Variants in MTRF1L observed in about 807,000 individuals in gnomAD.
The protein encoded by MTRF1L is peptide chain release factor 1-like, mitochondrial.
In MTRF1L, 29 loss-of-function variants were observed where a neutral mutation model predicts 40.0. The ratio of observed to expected loss-of-function variants is 0.73; its 90% confidence interval spans 0.54 to 0.99. The LOEUF (loss-of-function observed/expected upper bound fraction) is 0.99, where lower values mean the gene tolerates loss of function less well. MTRF1L is among the 50% of genes least tolerant of loss of function. The probability of loss-of-function intolerance (pLI) is 0.00; values close to 1 mark genes in which losing one functional copy is unlikely to be tolerated. For missense variants in MTRF1L, 412 were observed against 464.5 expected, an observed-to-expected ratio of 0.89 and a Z score of 1.04; for synonymous variants, 150 against 175.8, an observed-to-expected ratio of 0.85 and a Z score of 1.16.
At chr6:153,001,606 G>A (rs995361060) in intron 1 of MTRF1L, among the ~76,000 whole-genome samples, 6 of 152,146 alleles carry the variant, frequency 3.9e-5, no homozygotes, top group African/African-American at 1.2e-4. Flanking sequence ...AGTACCACTC[G>A]TGCTGAAGCC....
intron 5 of MTRF1L, 58 bp downstream of exon 5, chr6:152,992,799 T>C: frequency 7.9e-7 from 1 of 1,269,852 alleles, no homozygotes. Flanking sequence ...GGAAAATTAG[T>C]CATATTATTC....
At chr6:152,997,906 TTAA>T (rs1778767822) in intron 2 of MTRF1L, among the ~76,000 whole-genome samples, 1 of 152,096 alleles carries the variant, frequency 6.6e-6, no homozygotes, top group Non-Finnish European at 1.5e-5. Context: ...TGTTCTTTAG[TTAA>T]TAATATAAAA....
intron 1 of MTRF1L, among the ~76,000 whole-genome samples, chr6:153,000,217 T>A (rs988624110): frequency 6.6e-6 from 1 of 152,224 alleles, no homozygotes; most frequent in Non-Finnish European, 1.5e-5. Context: ...TCTGCAAAGC[T>A]AAGGAGATTG....
chr6:152,998,520 A>T (rs372564270), intron 2 of MTRF1L, 30 bp downstream of exon 2: 2 of 1,483,858 alleles, frequency 1.3e-6, no homozygotes, highest in Non-Finnish European at 1.8e-6. Flanking sequence ...GAATAGCACA[A>T]ATGCTTTATT....
Position 152,990,411 on chromosome 6 carries a change from GCTATTC to G in MTRF1L, c.943-322_943-317del. The G allele has an allele frequency of 1.5e-5, 4 of 272,822 alleles. No individual in the cohort carries two copies. In the South Asian group the frequency reaches 2.5e-4, roughly 17 times the overall value. 16.9% of individuals were successfully genotyped at this position (272,822 alleles called of 1,614,324 possible). A position where few individuals can be genotyped will look rare whatever the true frequency, so the allele number is the denominator to read the frequency against. On this transcript the variant is annotated intron_variant, in intron 6 of 6. Transcript: ENST00000367233. ...TGACAATAGAGCCTGGCACATAGAT[GCTATTC>G]CTATAGTCGCTGAATACATATAATC...
chr6:152,997,609 T>C (rs1044197166), intron 2 of MTRF1L, among the ~76,000 whole-genome samples: 14 of 152,112 alleles, frequency 9.2e-5, no homozygotes, highest in African/African-American at 3.4e-4. Context: ...GTCATGGCAA[T>C]AGTCTTTTTG....
intron 6 of MTRF1L, 117 bp downstream of exon 6, chr6:152,991,068 T>G (rs1778493441): frequency 1.6e-6 from 1 of 637,394 alleles, no homozygotes; most frequent in Non-Finnish European, 2.6e-6. Context: ...TTAGACTACT[T>G]GAATTGTTTT....
chr6:153,002,242 A>C (rs1340544012), intron 1 of MTRF1L, among the ~76,000 whole-genome samples, 185 bp downstream of exon 1: 1 of 152,220 alleles, frequency 6.6e-6, no homozygotes, highest in East Asian at 1.9e-4. Context: ...GTGGCAAAGG[A>C]GCACAAGAGA....
At chr6:152,994,805 CAT>C (rs766425288) in intron 3 of MTRF1L, 129 bp from the exon 4 acceptor site, 206 of 1,123,762 alleles carry the variant, frequency 1.8e-4, no homozygotes, top group African/African-American at 9.1e-4. Flanking sequence ...GACTGTAAAA[CAT>C]ATTAAAATAT....
Position 152,989,644 on chromosome 6 carries a change from A to T in MTRF1L, c.*251T>A. The T allele has an allele frequency of 2.3e-6, 1 of 429,112 alleles. No homozygotes were observed. The highest frequency in any genetic ancestry group is 4.1e-6 in the Non-Finnish European group (1 of 243,194). The allele number at this position is 429,112 out of a possible 1,614,324, so 26.6% of individuals were successfully genotyped here. On this transcript the variant is annotated 3_prime_UTR_variant, in exon 7 of 7. Transcript: ENST00000367233. ...GAGACTGCTGTGTTGCTAACGTTATATGCATTTTTAACTTATGATGGGTTT... is the reference window on the plus strand; with the variant it reads ...GAGACTGCTGTGTTGCTAACGTTATTTGCATTTTTAACTTATGATGGGTTT...
intron 1 of MTRF1L, among the ~76,000 whole-genome samples, chr6:153,000,424 C>T (rs1047932043): frequency 7.4e-4 from 112 of 152,292 alleles, no homozygotes; most frequent in African/African-American, 2.6e-3. Flanking sequence ...TGGCTACTGG[C>T]TACTATATTG....
At position 152,994,607 on chromosome 6, in the gene MTRF1L, C is replaced by A. The variant is rs1287795953; in HGVS notation, c.593G>T (p.Gly198Val). The A allele has an allele frequency of 2.5e-6, 4 of 1,613,784 alleles. No homozygotes were observed. Among genetic ancestry groups the A allele is most frequent in the Non-Finnish European group, 3.4e-6 (4 of 1,180,004 alleles). Residue 198 changes from glycine (G) to valine (V), a missense_variant, in exon 4 of 7, where the codon GGT (glycine) becomes GTT (valine). By Grantham distance (109) the Gly-to-Val change is moderately radical (BLOSUM62 -3). Coordinates refer to ENST00000367233, the MANE Select transcript of MTRF1L (RefSeq NM_019041.7). ...TGGCACTCTTTGTACTCTGTGAACA[C>A]CTCCTTCAAATTTCATGTGCCTATA... ...EAYRHMKFEG[G>V]VHRVQRVPKT...
chr6:152,995,076 T>C (rs1057152661), intron 3 of MTRF1L, 60 bp downstream of exon 3: 51 of 1,424,278 alleles, frequency 3.6e-5, no homozygotes, highest in Non-Finnish European at 4.6e-5. Context: ...AGCCTAGTCA[T>C]GGTCTTTCCA....
rs1366598785 is a variant in MTRF1L, at chr6:152,998,612, T to C, written c.277A>G (p.Arg93Gly). Residue 93 changes from arginine (R) to glycine (G), a missense_variant, in exon 2 of 7, where the codon AGG becomes GGG. Arg to Gly is a moderately radical substitution (Grantham distance 125, BLOSUM62 -2). Transcript: ENST00000367233. ...HLLHDENEDL[R>G]KLAENEITLC... ...GTGATTTCATTCTCTGCAAGTTTCC[T>C]TAAATCTTCATTCTCATCTAGGAAA... 1 of 1,595,770 alleles carries C rather than the reference T, an allele frequency of 6.3e-7. No individual in the cohort carries two copies. Among genetic ancestry groups the C allele is most frequent in the East Asian group, 2.3e-5 (1 of 43,736 alleles).
intron 3 of MTRF1L, 147 bp from the exon 4 acceptor site, chr6:152,994,823 G>T: frequency 9.8e-7 from 1 of 1,019,664 alleles, no homozygotes; most frequent in Non-Finnish European, 1.4e-6. Context: ...AATATTCAAT[G>T]TTTTAATATT....
intron 2 of MTRF1L, 80 bp from the exon 3 acceptor site, chr6:152,995,399 ATTT>A (rs1778683524): frequency 1.6e-6 from 2 of 1,251,012 alleles, no homozygotes; most frequent in Admixed American, 2.9e-5. Flanking sequence ...TGATTCAGGA[ATTT>A]TAAATATTTA....
rs968987152 is a variant in MTRF1L, at chr6:152,987,380, A to G, written c.*2515T>C. On this transcript the variant is annotated 3_prime_UTR_variant, in exon 7 of 7. Transcript: ENST00000367233. ...CAGATCATGGATGTATTGTATACAC[A>G]GTGGAAAGCTGGTTTTATTTGGGAG... 7.9e-5 allele frequency: 12 copies of G among 152,242 alleles called. No homozygotes were observed. Among genetic ancestry groups the G allele is most frequent in the African/African-American group, 2.7e-4 (11 of 41,472 alleles). The allele number at this position is 152,242 out of a possible 1,614,324, so 9.4% of individuals were successfully genotyped here.
At chr6:152,992,215 T>A (rs1022599413) in intron 5 of MTRF1L, among the ~76,000 whole-genome samples, 4 of 152,248 alleles carry the variant, frequency 2.6e-5, no homozygotes, top group Non-Finnish European at 5.9e-5. Context: ...TTGTTTCCTT[T>A]CTAGATAACT....
Position 152,990,981 on chromosome 6 carries a change from T to TAA in MTRF1L, c.942+202_942+203dup, listed in dbSNP as rs1164994421. 7.9e-5 allele frequency among the ~76,000 whole-genome samples: 12 copies of TAA among 152,326 alleles called. No homozygotes were observed. The East Asian group carries it at 2.3e-3, about 29-fold the overall frequency. On this transcript the variant is annotated intron_variant, in intron 6 of 6. Transcript: ENST00000367233. ...TATATCTTTATTTTTAGTAACGGAT[T>TAA]AAAAGTCTGAGAAAAATACCTTTGA...
Sources: allele counts gnomAD v4.1 joint callset (sites outside exome capture counted in the v4.1 genomes callset), GRCh38; gene constraint gnomAD v4.1.1; transcripts MANE v1.5; gene names NCBI Gene and HGNC (gene_info 2026-07-23, HGNC 2026-07-21).